Variants in EPYC observed in about 807,000 individuals in gnomAD.
EPYC encodes dermatan sulfate proteoglycan 3.
EPYC carries 28 observed loss-of-function variants against 30.1 expected under a neutral mutation model. The ratio of observed to expected loss-of-function variants is 0.93; its 90% CI spans 0.69 to 1.28. The LOEUF is 1.28. EPYC is among the 50% of genes most tolerant of loss of function. The pLI is 0.00. For synonymous variants in EPYC, 144 were observed against 141.4 expected (o/e 1.02, Z -0.13); for missense variants, 382 against 383.5 (o/e 1.00, Z 0.03).
Position 90,972,886 on chromosome 12 carries a change from G to T in EPYC, c.435C>A (p.Thr145=). The T allele has an allele frequency of 6.2e-7, 1 of 1,613,448 alleles. No individual in the cohort carries two copies. Among genetic ancestry groups the T allele is most frequent in the Non-Finnish European group, 8.5e-7 (1 of 1,179,538 alleles). The change falls in exon 4 of 7, where the codon ACC becomes ACA. Residue 145 remains threonine, a synonymous_variant. Coordinates refer to ENST00000261172, the MANE Select transcript of EPYC (RefSeq NM_004950.5). ...LDAIPPLPKN[T]AYFYSRFNRI... The stretch of plus-strand genomic sequence containing the variant: ...TGTTAAAGCGGGAATAGAAATAAGC[G>T]GTGTTCTTTGGCAGCGGAGGAATAG...
intron 2 of EPYC, among the ~76,000 whole-genome samples, chr12:90,994,417 CTG>C (rs1283589987): frequency 1.3e-5 from 2 of 152,140 alleles, no homozygotes; most frequent in Non-Finnish European, 2.9e-5. Context: ...AAATAGAAAA[CTG>C]AGGCCCAGAG....
At chr12:90,973,163 A>T (rs888565866) in intron 3 of EPYC, among the ~76,000 whole-genome samples, 183 bp from the exon 4 acceptor site, 4 of 152,058 alleles carry the variant, frequency 2.6e-5, no homozygotes, top group Non-Finnish European at 5.9e-5. Context: ...TGTCTCAACA[A>T]TTAGTATATT....
At chr12:90,996,787 C>A (rs1442675122) in intron 2 of EPYC, among the ~76,000 whole-genome samples, 4 of 151,988 alleles carry the variant, frequency 2.6e-5, no homozygotes, top group African/African-American at 7.2e-5. Flanking sequence ...TTTTCTATGA[C>A]CAGTTTTTAC....
intron 2 of EPYC, among the ~76,000 whole-genome samples, chr12:91,000,035 T>A (rs1039761415): frequency 3.3e-5 from 5 of 152,104 alleles, no homozygotes; most frequent in African/African-American, 1.2e-4. Flanking sequence ...ATTAGAGTTA[T>A]TATAGCATAT....
In EPYC at chr12:90,978,235, C is replaced by T. The variant is rs1877236493; in HGVS notation, c.193G>A (p.Gly65Arg). 1 of 1,592,652 alleles carries T rather than the reference C, an allele frequency of 6.3e-7. No homozygotes were observed. The highest frequency in any genetic ancestry group is 1.1e-5 in the South Asian group (1 of 87,632). Residue 65 changes from glycine to arginine, a missense_variant, in exon 3 of 7, where the codon GGG becomes AGG. Coordinates refer to ENST00000261172, the MANE Select transcript of EPYC (RefSeq NM_004950.5). The stretch of plus-strand genomic sequence containing the variant: ...GGTGGAGTGAGGAGCTCTCTGTTCC[C>T]TGAAGGCATCACTGTGGCTATTTCA... ...EIEIATVMPS[G>R]NRELLTPPPQ... is the part of the protein sequence containing the mutation.
chr12:90,978,392 T>C (rs77677540), intron 2 of EPYC, 130 bp from the exon 3 acceptor site: 24,001 of 801,670 alleles, frequency 0.03, 423 homozygotes, highest in African/African-American at 0.036. Context: ...TTCAATAGTT[T>C]GACCATCCTG....
At chr12:90,980,585 C>CA (rs973412229) in intron 2 of EPYC, among the ~76,000 whole-genome samples, 4 of 152,074 alleles carry the variant, frequency 2.6e-5, no homozygotes, top group Non-Finnish European at 4.4e-5. Context: ...CACACATGCA[C>CA]AAAAAATAGT....
At chr12:90,992,091 G>A (rs757439394) in intron 2 of EPYC, among the ~76,000 whole-genome samples, 3 of 152,168 alleles carry the variant, frequency 2.0e-5, no homozygotes, top group Admixed American at 6.5e-5. Flanking sequence ...ATCCACTAGG[G>A]ATGGTTTCAG....
At chr12:90,988,910 C>T (rs1217094384) in intron 2 of EPYC, among the ~76,000 whole-genome samples, 2 of 152,054 alleles carry the variant, frequency 1.3e-5, no homozygotes, top group Non-Finnish European at 2.9e-5. Flanking sequence ...GGGAAGAGAA[C>T]TAGCCACATG....
chr12:90,992,679 C>A (rs982811687), intron 2 of EPYC, among the ~76,000 whole-genome samples: 1 of 152,098 alleles, frequency 6.6e-6, no homozygotes, highest in African/African-American at 2.4e-5. Context: ...TGCCAGAAAA[C>A]GGAAAGATCT....
At chr12:90,965,024 C>G (rs1439811103) in intron 6 of EPYC, among the ~76,000 whole-genome samples, 2 of 152,110 alleles carry the variant, frequency 1.3e-5, no homozygotes, top group East Asian at 3.9e-4. Context: ...CACACATTCC[C>G]CTCCTCCCAC....
At chr12:91,002,610 T>A (rs536047323) in intron 1 of EPYC, 32 bp from the exon 2 acceptor site, 63 of 1,484,608 alleles carry the variant, frequency 4.2e-5, no homozygotes, top group Non-Finnish European at 5.8e-5. Context: ...GCATAAATAT[T>A]TAATTGATAA....
At chr12:90,984,915 T>G (rs1877414468) in intron 2 of EPYC, among the ~76,000 whole-genome samples, 1 of 152,106 alleles carries the variant, frequency 6.6e-6, no homozygotes, top group South Asian at 2.1e-4. Context: ...CAGATCAAAG[T>G]AGACCTAGGG....
intron 2 of EPYC, among the ~76,000 whole-genome samples, chr12:91,000,066 G>C (rs1877787836): frequency 6.6e-6 from 1 of 151,982 alleles, no homozygotes; most frequent in Non-Finnish European, 1.5e-5. Context: ...ATTTATATCT[G>C]TATCTATACC....
chr12:90,985,943 A>C (rs2120842704), intron 2 of EPYC, among the ~76,000 whole-genome samples: 1 of 152,234 alleles, frequency 6.6e-6, no homozygotes, highest in African/African-American at 2.4e-5. Flanking sequence ...GCTGTCCTCA[A>C]TGTCCATTAC....
chr12:90,966,637 T>A (rs1202911645), intron 6 of EPYC, among the ~76,000 whole-genome samples: 2 of 152,092 alleles, frequency 1.3e-5, no homozygotes, highest in Non-Finnish European at 2.9e-5. Flanking sequence ...TTGGGTAATA[T>A]TGGCTTCACA....
chr12:90,966,042 A>AT (rs1361584946), intron 6 of EPYC, among the ~76,000 whole-genome samples: 2 of 151,992 alleles, frequency 1.3e-5, no homozygotes, highest in African/African-American at 4.8e-5. Context: ...ATTCCTTAAT[A>AT]TTTTTTATAT....
chr12:90,999,632 C>A (rs969345913), intron 2 of EPYC, among the ~76,000 whole-genome samples: 7 of 151,976 alleles, frequency 4.6e-5, no homozygotes, highest in African/African-American at 9.7e-5. Flanking sequence ...ACATTTGAAA[C>A]AACTCACCTT....
intron 6 of EPYC, among the ~76,000 whole-genome samples, chr12:90,969,575 C>G (rs888453429): frequency 6.7e-6 from 1 of 149,532 alleles, no homozygotes; most frequent in Non-Finnish European, 1.5e-5. Context: ...AGCTTGCCAT[C>G]TCTCAGCACA....
Sources: gnomAD v4.1 joint callset for allele counts (sites outside exome capture counted in the v4.1 genomes callset) on GRCh38, gnomAD v4.1.1 for gene constraint, MANE v1.5 for transcripts, NCBI Gene and HGNC (gene_info 2026-07-23, HGNC 2026-07-21) for gene names.